The following TLN2 variants were observed in gnomAD, a reference collection of about 807,000 sequenced individuals.
TLN2 encodes the protein talin 2.
A neutral mutation model predicts 294.7 loss-of-function variants in TLN2; 118 were observed. The ratio of observed to expected loss-of-function variants is 0.40; its 90% CI spans 0.34 to 0.47. TLN2 has a LOEUF of 0.47. Ranked by LOEUF, TLN2 falls within the 20% of genes least tolerant of loss-of-function variation. The pLI is 0.84. For synonymous variants in TLN2, 1,431 were observed against 1,304.5 expected (o/e 1.10, Z -2.09); for missense variants, 3,083 against 3,282.2 (o/e 0.94, Z 1.48).
Position 62,657,764 on chromosome 15 carries a change from G to A in TLN2, c.661-7G>A. The A allele has an allele frequency of 6.2e-7, 1 of 1,609,262 alleles. No individual in the cohort carries two copies. The highest frequency in any genetic ancestry group is 8.5e-7 in the Non-Finnish European group (1 of 1,178,714). Reference sequence around the variant, plus strand: ...CTCTGATGCTTTTCCTTCCTCTTGTGTTTCAGGCACGGGATGACATCCTGA... The same window carrying A: ...CTCTGATGCTTTTCCTTCCTCTTGTATTTCAGGCACGGGATGACATCCTGA... On this transcript the variant is annotated splice_region_variant and splice_polypyrimidine_tract_variant and intron_variant, in intron 8 of 58. Coordinates refer to ENST00000636159, the MANE Select transcript of TLN2 (RefSeq NM_015059.3).
At chr15:62,825,200 T>C (rs998746183) in intron 54 of TLN2, among the ~76,000 whole-genome samples, 1 of 152,112 alleles carries the variant, frequency 6.6e-6, no homozygotes, top group African/African-American at 2.4e-5. Flanking sequence ...CCCCAATCAG[T>C]CCCTCCTTCA....
intron 1 of TLN2, among the ~76,000 whole-genome samples, chr15:62,426,081 G>T (rs532936272): frequency 6.6e-6 from 1 of 152,240 alleles, no homozygotes; most frequent in Admixed American, 6.5e-5. Context: ...CTAAGGTATG[G>T]CCCAGCCGTA....
intron 1 of TLN2, among the ~76,000 whole-genome samples, chr15:62,562,972 C>T: frequency 8.3e-6 from 1 of 120,038 alleles, no homozygotes; most frequent in South Asian, 2.8e-4. Flanking sequence ...ACACACACAC[C>T]AGTTTCTTTA....
At chr15:62,797,084 G>C (rs1266646879) in intron 47 of TLN2, 135 bp from the exon 48 acceptor site, 1 of 886,712 alleles carries the variant, frequency 1.1e-6, no homozygotes, top group Non-Finnish European at 1.7e-6. Context: ...TTGGTAAAGG[G>C]AGGTGTAACA....
chr15:62,455,093 T>C (rs1171437480), intron 1 of TLN2, among the ~76,000 whole-genome samples: 5 of 144,418 alleles, frequency 3.5e-5, no homozygotes, highest in African/African-American at 1.2e-4. Flanking sequence ...GAAAAATAAA[T>C]AACTATTTTT....
intron 2 of TLN2, among the ~76,000 whole-genome samples, chr15:62,606,974 T>C (rs1170184761): frequency 6.6e-6 from 1 of 152,134 alleles, no homozygotes; most frequent in Non-Finnish European, 1.5e-5. Flanking sequence ...GCTGCCACCA[T>C]CATCATCCTC....
rs777333329 is a variant in TLN2, at chr15:62,692,979, C to G, written c.1215+38C>G. ...GATGCAAATTGGAAAAGCAAGACGG[C>G]TTTATTAAAAGGCTTGGTTTCGATG... On this transcript the variant is annotated intron_variant, in intron 13 of 58. Transcript: ENST00000636159. The G allele has an allele frequency of 3.9e-6, 6 of 1,553,026 alleles. No individual in the cohort carries two copies. In the South Asian group the frequency reaches 7.0e-5, roughly 18 times the overall value.
At chr15:62,622,133 C>T (rs191193328) in intron 3 of TLN2, among the ~76,000 whole-genome samples, 77 of 152,162 alleles carry the variant, frequency 5.1e-4, no homozygotes, top group African/African-American at 1.7e-3. Flanking sequence ...TTGATTTACT[C>T]TTCAGAGTAA....
chr15:62,480,987 A>G (rs965120229), intron 1 of TLN2, among the ~76,000 whole-genome samples: 1 of 152,192 alleles, frequency 6.6e-6, no homozygotes, highest in Non-Finnish European at 1.5e-5. Flanking sequence ...TGAGGGGCAC[A>G]GAAGAATTTT....
chr15:62,687,580 G>T (rs2057388892), intron 12 of TLN2, among the ~76,000 whole-genome samples: 1 of 152,200 alleles, frequency 6.6e-6, no homozygotes, highest in Non-Finnish European at 1.5e-5. Context: ...GCGGGTGGTT[G>T]GTAGGGCAAG....
At chr15:62,623,447 A>G (rs960853064) in intron 3 of TLN2, among the ~76,000 whole-genome samples, 5 of 152,200 alleles carry the variant, frequency 3.3e-5, no homozygotes, top group African/African-American at 1.2e-4. Flanking sequence ...ACCAACTTAC[A>G]TTCATGAGCA....
intron 41 of TLN2, among the ~76,000 whole-genome samples, chr15:62,769,944 T>C (rs1195780057): frequency 6.6e-6 from 1 of 152,154 alleles, no homozygotes; most frequent in Non-Finnish European, 1.5e-5. Flanking sequence ...CTGAAGTGAA[T>C]ATAGCAAAAT....
chr15:62,678,629 G>C (rs1477282152), intron 11 of TLN2, among the ~76,000 whole-genome samples: 2 of 152,082 alleles, frequency 1.3e-5, no homozygotes, highest in African/African-American at 4.8e-5. Flanking sequence ...TCAGGAGTTC[G>C]AGACCAGCCT....
intron 47 of TLN2, 114 bp from the exon 48 acceptor site, chr15:62,797,105 C>G (rs2065542268): frequency 8.5e-7 from 1 of 1,181,088 alleles, no homozygotes; most frequent in Non-Finnish European, 1.2e-6. Flanking sequence ...CAGCACTTCT[C>G]TTCTTCAAAG....
chr15:62,437,561 C>T lies in TLN2; in HGVS notation c.-238+46876C>T, dbSNP rs116624822. 3.4e-3 allele frequency among the ~76,000 whole-genome samples: 510 copies of T among 152,138 alleles called. 3 individuals are homozygous for T. The highest frequency in any genetic ancestry group is 0.012 in the African/African-American group (481 of 41,488). ...CTGAAAGGTGCTATTTCATCCTGCC[C>T]CTAGGTGTTTGTTGGTATAGGTACA... On this transcript the variant is annotated intron_variant, in intron 1 of 58. Coordinates refer to ENST00000636159, the MANE Select transcript of TLN2 (RefSeq NM_015059.3).
chr15:62,692,673 C>T (rs1297189274), intron 12 of TLN2, among the ~76,000 whole-genome samples, 167 bp from the exon 13 acceptor site: 1 of 152,090 alleles, frequency 6.6e-6, no homozygotes, highest in African/African-American at 2.4e-5. Context: ...AGCTCTTTTA[C>T]CGTTGTTGAA....
chr15:62,480,943 C>T (rs2038054367), intron 1 of TLN2, among the ~76,000 whole-genome samples: 1 of 152,204 alleles, frequency 6.6e-6, no homozygotes, highest in Non-Finnish European at 1.5e-5. Flanking sequence ...ATGTCCCCAC[C>T]CCAGAGCTAG....
intron 1 of TLN2, among the ~76,000 whole-genome samples, chr15:62,561,686 G>A (rs1449830861): frequency 6.6e-6 from 1 of 152,012 alleles, no homozygotes; most frequent in South Asian, 2.1e-4. Context: ...CGCAAAAGGT[G>A]TATCATCCCT....
intron 1 of TLN2, among the ~76,000 whole-genome samples, chr15:62,580,528 A>G (rs953618514): frequency 2.0e-5 from 3 of 150,876 alleles, no homozygotes; most frequent in African/African-American, 7.3e-5. Flanking sequence ...CTCCTACCTC[A>G]GCCTCGCGAG....
Sources: allele counts gnomAD v4.1 joint callset (sites outside exome capture counted in the v4.1 genomes callset), GRCh38; gene constraint gnomAD v4.1.1; transcripts MANE v1.5; gene names NCBI Gene and HGNC (gene_info 2026-07-23, HGNC 2026-07-21).